LARGE1: variants seen among roughly 807,000 people sequenced by gnomAD.
LARGE1 encodes LARGE xylosyl- and glucuronyltransferase 1, also known as xylosyl- and glucuronyltransferase LARGE1.
A neutral mutation model predicts 87.6 loss-of-function variants in LARGE1; 43 were observed. The ratio of observed to expected loss-of-function variants is 0.49; its 90% confidence interval spans 0.38 to 0.63. The LOEUF (loss-of-function observed/expected upper bound fraction) is 0.63. LARGE1 is among the 30% of genes least tolerant of loss of function. The probability of loss-of-function intolerance (pLI) is 0.00; values close to 1 mark genes in which losing one functional copy is unlikely to be tolerated. For missense variants in LARGE1, 802 were observed against 1,000.2 expected, an observed-to-expected ratio of 0.80 and a Z score of 2.67; for synonymous variants, 434 against 394.6, an observed-to-expected ratio of 1.10 and a Z score of -1.18.
intron 3 of LARGE1, among the ~76,000 whole-genome samples, chr22:33,632,775 T>C (rs1401398563): frequency 1.3e-5 from 2 of 152,234 alleles, no homozygotes; most frequent in South Asian, 4.1e-4. Context: ...CAGGCATTCA[T>C]AGATACTTGC....
chr22:33,538,680 C>T (rs5999002), intron 6 of LARGE1, among the ~76,000 whole-genome samples: 1,888 of 152,208 alleles, frequency 0.012, 39 homozygotes, highest in African/African-American at 0.043. Context: ...CTCCCCCCAC[C>T]ACGTGGCAGC....
At chr22:33,597,507 A>G (rs958196057) in intron 5 of LARGE1, among the ~76,000 whole-genome samples, 3 of 152,144 alleles carry the variant, frequency 2.0e-5, no homozygotes, top group African/African-American at 7.2e-5. Flanking sequence ...ACAGTTCTCT[A>G]AAGACAACCT....
chr22:33,215,816 T>C (rs549693136), intron 11 of LARGE1, among the ~76,000 whole-genome samples: 8 of 152,056 alleles, frequency 5.3e-5, no homozygotes, highest in African/African-American at 1.7e-4. Flanking sequence ...ATTAGCCAGG[T>C]GTGGTGGCGC....
At chr22:33,837,972 C>T (rs1202451191) in intron 1 of LARGE1, among the ~76,000 whole-genome samples, 4 of 152,218 alleles carry the variant, frequency 2.6e-5, no homozygotes, top group African/African-American at 9.6e-5. Flanking sequence ...GCATGCCATA[C>T]TTTCTCTCTG....
chr22:33,128,944 G>A, the LARGE1 span, among the ~76,000 whole-genome samples: 21 of 152,180 alleles, frequency 1.4e-4, no homozygotes, highest in Admixed American at 1.4e-3. Context: ...AGAGTCAGGG[G>A]AGGGAGAACA....
intron 1 of LARGE1, among the ~76,000 whole-genome samples, chr22:33,762,544 G>A (rs929361122): frequency 1.3e-5 from 2 of 152,166 alleles, no homozygotes; most frequent in Non-Finnish European, 2.9e-5. Context: ...ACACTCACTA[G>A]GGACTATCTT....
chr22:33,291,168 G>A (rs1435632457), intron 12 of LARGE1, among the ~76,000 whole-genome samples: 3 of 152,176 alleles, frequency 2.0e-5, no homozygotes, highest in African/African-American at 4.8e-5. Flanking sequence ...TTCATCTTAA[G>A]TGTCTAGAAA....
intron 1 of LARGE1, among the ~76,000 whole-genome samples, chr22:33,792,881 G>C (rs141120009): frequency 6.6e-6 from 1 of 152,122 alleles, no homozygotes; most frequent in African/African-American, 2.4e-5. Context: ...CCCCAGCCAC[G>C]GGAAAAAGAA....
chr22:33,441,070 A>ATT (rs2067453797), intron 6 of LARGE1, among the ~76,000 whole-genome samples: 2 of 92,998 alleles, frequency 2.2e-5, no homozygotes, highest in Non-Finnish European at 3.9e-5. Context: ...TTTTGTTTGA[A>ATT]CTTTTTTTTT....
At chr22:33,846,715 G>T (rs1340917684) in intron 1 of LARGE1, among the ~76,000 whole-genome samples, 1 of 152,158 alleles carries the variant, frequency 6.6e-6, no homozygotes, top group Non-Finnish European at 1.5e-5. Context: ...GCCCCCACTA[G>T]GTGTGCCCAT....
At chr22:33,588,127 A>G (rs2078731325) in intron 5 of LARGE1, among the ~76,000 whole-genome samples, 2 of 152,220 alleles carry the variant, frequency 1.3e-5, no homozygotes, top group Admixed American at 1.3e-4. Flanking sequence ...ACACCTGGTT[A>G]GAGCCAACTA....
chr22:33,649,156 C>T (rs2080714243), intron 3 of LARGE1, among the ~76,000 whole-genome samples: 2 of 152,196 alleles, frequency 1.3e-5, no homozygotes, highest in African/African-American at 4.8e-5. Flanking sequence ...TTCAACCAGG[C>T]TTGAGAAACC....
At chr22:33,160,438 C>T (rs1002528467), downstream of LARGE1, among the ~76,000 whole-genome samples, 4 of 152,184 alleles carry the variant, frequency 2.6e-5, no homozygotes, top group Admixed American at 2.6e-4. Context: ...AACCACTCTA[C>T]CTTGCTGGCT....
At chr22:33,665,981 T>TA (rs3216424) in intron 2 of LARGE1, among the ~76,000 whole-genome samples, 3,124 of 147,008 alleles carry the variant, frequency 0.021, 109 homozygotes, top group African/African-American at 0.073. Flanking sequence ...AAAAAGAAGT[T>TA]AAAAAAAAAA....
intron 3 of LARGE1, among the ~76,000 whole-genome samples, chr22:33,641,687 A>G (rs2080437693): frequency 6.6e-6 from 1 of 152,220 alleles, no homozygotes; most frequent in Non-Finnish European, 1.5e-5. Flanking sequence ...GAAGAAGAAC[A>G]TCAATGACCT....
At chr22:33,479,129 A>G (rs768791758) in intron 6 of LARGE1, among the ~76,000 whole-genome samples, 4 of 152,140 alleles carry the variant, frequency 2.6e-5, no homozygotes, top group Non-Finnish European at 4.4e-5. Context: ...TGGCCAAGAG[A>G]AAGGTGCTCT....
chr22:33,332,982 A>G (rs1937930840), intron 10 of LARGE1, among the ~76,000 whole-genome samples: 1 of 150,038 alleles, frequency 6.7e-6, no homozygotes, highest in Non-Finnish European at 1.5e-5. Context: ...AGCCCCATCC[A>G]TCATGTTTTT....
chr22:33,475,699 T>C (rs527493844), intron 6 of LARGE1, among the ~76,000 whole-genome samples: 17 of 152,122 alleles, frequency 1.1e-4, no homozygotes, highest in Non-Finnish European at 1.9e-4. Flanking sequence ...CCGACCTCAG[T>C]TGATCTGCCC....
chr22:33,207,037 T>A (rs573441019), intron 11 of LARGE1, among the ~76,000 whole-genome samples: 1 of 152,302 alleles, frequency 6.6e-6, no homozygotes, highest in Non-Finnish European at 1.5e-5. Flanking sequence ...TTATGGGAAA[T>A]AGACTTGTTG....
Sources: allele counts gnomAD v4.1 joint callset (sites outside exome capture counted in the v4.1 genomes callset), GRCh38; gene constraint gnomAD v4.1.1; transcripts MANE v1.5; gene names NCBI Gene and HGNC (gene_info 2026-07-23, HGNC 2026-07-21).